The following GFPT2 variants were observed in gnomAD, a reference collection of about 807,000 sequenced individuals.
The protein encoded by GFPT2 is glutamine--fructose-6-phosphate transaminase 2, also known as glutamine--fructose-6-phosphate aminotransferase [isomerizing] 2.
A neutral mutation model predicts 85.6 loss-of-function variants in GFPT2; 62 were observed. The ratio of observed to expected loss-of-function variants is 0.72; its 90% CI spans 0.59 to 0.90. The LOEUF (loss-of-function observed/expected upper bound fraction) is 0.90, where lower values mean the gene tolerates loss of function less well. Among genes scored for constraint, GFPT2 ranks in the 40% least tolerant of loss-of-function variants. GFPT2 has a pLI of 0.00. For synonymous variants in GFPT2, 368 were observed against 344.5 expected (o/e 1.07, Z -0.75); for missense variants, 788 against 893.4 (o/e 0.88, Z 1.50).
chr5:180,344,788 G>A (rs1186485839), intron 1 of GFPT2, among the ~76,000 whole-genome samples: 5 of 152,082 alleles, frequency 3.3e-5, no homozygotes, highest in African/African-American at 9.7e-5. Context: ...CTTGCCCCTC[G>A]ACAAGAGGGG....
At position 180,312,196 on chromosome 5, in the gene GFPT2, G is replaced by GGGGAGGCAGGGAGGCA. The variant is rs79602300; in HGVS notation, c.1546+218_1546+233dup. Among the ~76,000 whole-genome samples the GGGGAGGCAGGGAGGCA allele has an allele frequency of 1.3e-4, 6 of 46,746 alleles. 1 individual carries two copies. Among genetic ancestry groups the GGGGAGGCAGGGAGGCA allele is most frequent in the South Asian group, 2.2e-3 (2 of 930 alleles). The allele number at this position is 46,746 out of a possible 152,430, so 30.7% of individuals were successfully genotyped here. A position where few individuals can be genotyped will look rare whatever the true frequency, so the allele number is the denominator to read the frequency against. On this transcript the variant is annotated intron_variant, in intron 15 of 18. Coordinates refer to ENST00000253778, the MANE Select transcript of GFPT2 (RefSeq NM_005110.4). ...CAGGGAGGCTGAGGACCAGGGAGGC[G>GGGGAGGCAGGGAGGCA]GGGAGGCAGGGAGGCAGGGAGGCAG...
rs1033903993 is a variant in GFPT2 at position 180,300,895 on chromosome 5, G to A, written c.*669C>T. The A allele has an allele frequency of 6.5e-6, 1 of 152,708 alleles. No individual in the cohort carries two copies. The highest frequency in any genetic ancestry group is 2.4e-5 in the African/African-American group (1 of 41,456). The allele number at this position is 152,708 out of a possible 1,614,324, so 9.5% of individuals were successfully genotyped here. A position where few individuals can be genotyped will look rare whatever the true frequency, so the allele number is the denominator to read the frequency against. On this transcript the variant is annotated 3_prime_UTR_variant, in exon 19 of 19. Coordinates refer to ENST00000253778, the MANE Select transcript of GFPT2 (RefSeq NM_005110.4). ...CCGTGATCAGATTAAACAGAAGTTG[G>A]AGAAGTGGAGGGATGTGGGCCACAC...
At chr5:180,326,318 T>G (rs1326613961) in intron 7 of GFPT2, among the ~76,000 whole-genome samples, 1 of 151,268 alleles carries the variant, frequency 6.6e-6, no homozygotes, top group Non-Finnish European at 1.5e-5. Flanking sequence ...TAAGACAATT[T>G]AAGAGAGCTG....
At chr5:180,319,516 G>T (rs1764078701) in intron 9 of GFPT2, among the ~76,000 whole-genome samples, 1 of 152,198 alleles carries the variant, frequency 6.6e-6, no homozygotes, top group Non-Finnish European at 1.5e-5. Flanking sequence ...GATACAGCTA[G>T]TAATGAAGAA....
intron 1 of GFPT2, among the ~76,000 whole-genome samples, chr5:180,347,000 A>C (rs908045201): frequency 9.2e-5 from 14 of 152,242 alleles, no homozygotes; most frequent in Admixed American, 5.2e-4. Flanking sequence ...GAGGGAACAG[A>C]CATCAGGCCT....
intron 17 of GFPT2, 138 bp downstream of exon 17, chr5:180,304,634 G>C (rs980716939): frequency 3.2e-5 from 25 of 790,658 alleles, no homozygotes; most frequent in South Asian, 9.6e-5. Flanking sequence ...CTCCCCACAG[G>C]CGGCCCGGGG....
intron 16 of GFPT2, among the ~76,000 whole-genome samples, chr5:180,305,366 A>G (rs1295262245): frequency 6.6e-6 from 1 of 152,250 alleles, no homozygotes; most frequent in African/African-American, 2.4e-5. Context: ...TTGCCCATTA[A>G]TAACTTCTAA....
chr5:180,301,307 A>G lies in GFPT2; in HGVS notation c.*257T>C, dbSNP rs998292461. On this transcript the variant is annotated 3_prime_UTR_variant, in exon 19 of 19. Coordinates refer to ENST00000253778, the MANE Select transcript of GFPT2 (RefSeq NM_005110.4). Reference sequence around the variant, plus strand: ...CTGAAGAGAGCTGTATCTCTATTGCACAGTAGTGGAGAAGTCTGCTCTGAT... The same window carrying G: ...CTGAAGAGAGCTGTATCTCTATTGCGCAGTAGTGGAGAAGTCTGCTCTGAT... 22 of 550,358 alleles carry G rather than the reference A, an allele frequency of 4.0e-5. No homozygotes were observed. Among genetic ancestry groups the G allele is most frequent in the Non-Finnish European group, 6.7e-5 (21 of 312,476 alleles). The allele number at this position is 550,358 out of a possible 1,614,324, so 34.1% of individuals were successfully genotyped here.
At chr5:180,309,286 T>C (rs901499611) in intron 15 of GFPT2, among the ~76,000 whole-genome samples, 6 of 152,180 alleles carry the variant, frequency 3.9e-5, no homozygotes, top group Non-Finnish European at 7.3e-5. Context: ...ACAAATACCA[T>C]GGGTTGCTTC....
In GFPT2 at chr5:180,330,875, G is replaced by A. The variant is rs933498706; in HGVS notation, c.400-41C>T. ...GGCACAGTGTGAGAGATTGGTCATT[G>A]CACAATGCCTGCCTGGCCAACTCCC... On this transcript the variant is annotated intron_variant, in intron 5 of 18. Coordinates refer to ENST00000253778, the MANE Select transcript of GFPT2 (RefSeq NM_005110.4). This position sits in a 1 kb window ranked among gnomAD's most constrained non-coding sequence, Gnocchi z 4.4. 6.3e-7 allele frequency: 1 copy of A among 1,597,818 alleles called. No individual in the cohort carries two copies. The highest frequency in any genetic ancestry group is 1.3e-5 in the African/African-American group (1 of 74,778).
At chr5:180,331,634 G>A (rs772658030) in intron 4 of GFPT2, 81 bp from the exon 5 acceptor site, 7 of 849,784 alleles carry the variant, frequency 8.2e-6, no homozygotes, top group African/African-American at 1.7e-5. Flanking sequence ...CAAGGCTTGA[G>A]AACTCTCTGC....
At chr5:180,347,913 G>A (rs1426097222) in intron 1 of GFPT2, among the ~76,000 whole-genome samples, 1 of 152,094 alleles carries the variant, frequency 6.6e-6, no homozygotes, top group African/African-American at 2.4e-5. Flanking sequence ...TTCTGGTGAC[G>A]CTTGTTTTGA....
intron 17 of GFPT2, among the ~76,000 whole-genome samples, chr5:180,304,068 C>T (rs1763732238): frequency 1.3e-5 from 2 of 152,160 alleles, no homozygotes; most frequent in Admixed American, 1.3e-4. Context: ...AACCACAATA[C>T]AAACTCTGGA....
At chr5:180,343,324 C>A (rs1764554568) in intron 1 of GFPT2, among the ~76,000 whole-genome samples, 1 of 152,254 alleles carries the variant, frequency 6.6e-6, no homozygotes, top group African/African-American at 2.4e-5. Flanking sequence ...CGCTGACTTT[C>A]AGACCCACGA....
rs756773535 is a variant in GFPT2, at chr5:180,318,838, G to A, written c.913C>T (p.Arg305Ter). 7 of 1,613,870 alleles carry A rather than the reference G, an allele frequency of 4.3e-6. No homozygotes were observed. The highest frequency in any genetic ancestry group is 1.3e-5 in the African/African-American group (1 of 74,922). The change falls in exon 10 of 19, where the codon CGA (arginine) becomes TGA (stop). Residue 305 changes from arginine to a stop codon, truncating the protein, a stop_gained. Coordinates refer to ENST00000253778, the MANE Select transcript of GFPT2 (RefSeq NM_005110.4). LOFTEE classifies it high-confidence loss of function. The surrounding 1 kb of genome is among the most constrained non-coding windows in gnomAD (Gnocchi z 4.2). ...TCCATCTGCAAGGTCTGGATGGCTCGAGATGGGTCATCACTGGCCGAGCGC... is the reference window on the plus strand; with the variant it reads ...TCCATCTGCAAGGTCTGGATGGCTCAAGATGGGTCATCACTGGCCGAGCGC... ...VKRSASDDPS[R>*]AIQTLQMELQ...
intron 9 of GFPT2, among the ~76,000 whole-genome samples, chr5:180,321,949 G>C (rs1040760779): frequency 6.6e-6 from 1 of 151,306 alleles, no homozygotes. Flanking sequence ...ACGCCCGGCT[G>C]ATTTTTTTTT....
chr5:180,312,090 GCAGGGAGGCTGAGGAC>G (rs1276135665), intron 15 of GFPT2, among the ~76,000 whole-genome samples: 1 of 88,978 alleles, frequency 1.1e-5, no homozygotes, highest in Non-Finnish European at 2.6e-5. Flanking sequence ...GACCAGGGAG[GCAGGGAGGCTGAGGAC>G]CAGGGAGGCA....
intron 4 of GFPT2, 168 bp from the exon 5 acceptor site, chr5:180,331,721 C>T: frequency 3.1e-6 from 2 of 644,478 alleles, no homozygotes; most frequent in South Asian, 3.3e-5. Flanking sequence ...GCAGCAACTA[C>T]AGTGGAACCA....
At chr5:180,345,335 A>G (rs552410804) in intron 1 of GFPT2, among the ~76,000 whole-genome samples, 2 of 152,386 alleles carry the variant, frequency 1.3e-5, no homozygotes, top group African/African-American at 2.4e-5. Flanking sequence ...GCGTTGCTGT[A>G]CTAGGTGCTG....
Sources: allele counts gnomAD v4.1 joint callset (sites outside exome capture counted in the v4.1 genomes callset), GRCh38; gene constraint gnomAD v4.1.1; non-coding constraint Gnocchi (gnomAD v3.1); transcripts MANE v1.5; gene names NCBI Gene and HGNC (gene_info 2026-07-23, HGNC 2026-07-21).